Variants in ALK observed in about 807,000 individuals in gnomAD.
ALK encodes the protein ALK tyrosine kinase receptor.
A neutral mutation model predicts 163.1 loss-of-function variants in ALK; 74 were observed. That is an observed-to-expected ratio of 0.45 (90% CI 0.38 to 0.55). ALK has a LOEUF of 0.55. Among genes scored for constraint, ALK ranks in the 20% least tolerant of loss-of-function variants. The pLI, the probability that ALK is intolerant of heterozygous loss-of-function variation, is 0.00. For missense variants in ALK, 2,063 were observed against 2,105.3 expected, an observed-to-expected ratio of 0.98 and a Z score of 0.39; for synonymous variants, 960 against 843.2, an observed-to-expected ratio of 1.14 and a Z score of -2.40.
chr2:29,276,509 C>T (rs1040532483), intron 9 of ALK, among the ~76,000 whole-genome samples: 10 of 152,164 alleles, frequency 6.6e-5, no homozygotes. Context: ...CCCTCCAGAA[C>T]GTCAATCCAG....
Position 29,842,072 on chromosome 2 carries a change from C to G in ALK, c.667+77921G>C, listed in dbSNP as rs571958111. On this transcript the variant is annotated intron_variant, in intron 1 of 28. Transcript: ENST00000389048. Reference sequence around the variant, plus strand: ...CTCCCTCTTTTTCTCCATCCTCCCCCCTCCTTCCTTCCCTCCTTCTCTTTT... The same window carrying G: ...CTCCCTCTTTTTCTCCATCCTCCCCGCTCCTTCCTTCCCTCCTTCTCTTTT... Among the ~76,000 whole-genome samples, 375 of 152,024 alleles carry G rather than the reference C, an allele frequency of 2.5e-3. 4 individuals are homozygous for G. Among genetic ancestry groups the G allele is most frequent in the African/African-American group, 8.2e-3 (338 of 41,454 alleles).
At chr2:29,792,324 G>C (rs1446039259) in intron 1 of ALK, among the ~76,000 whole-genome samples, 2 of 152,128 alleles carry the variant, frequency 1.3e-5, no homozygotes, top group Non-Finnish European at 1.5e-5. Context: ...ACTCAGGTCT[G>C]TATAAGAATT....
intron 1 of ALK, among the ~76,000 whole-genome samples, chr2:29,754,748 G>A (rs758468636): frequency 1.3e-5 from 2 of 151,856 alleles, no homozygotes; most frequent in African/African-American, 2.4e-5. Context: ...GAATAAGGAC[G>A]GTTTTTAGGC....
intron 1 of ALK, among the ~76,000 whole-genome samples, chr2:29,820,716 G>C (rs945133849): frequency 4.6e-5 from 7 of 152,228 alleles, no homozygotes; most frequent in African/African-American, 1.7e-4. Flanking sequence ...TGCTGGGTCT[G>C]ACCCTGGCTT....
intron 3 of ALK, among the ~76,000 whole-genome samples, chr2:29,635,731 T>A (rs541471421): frequency 6.6e-6 from 1 of 151,932 alleles, no homozygotes; most frequent in East Asian, 1.9e-4. Context: ...GACTCCCGAG[T>A]AGCTGGGATT....
intron 1 of ALK, among the ~76,000 whole-genome samples, chr2:29,918,826 T>G (rs1400467177): frequency 2.0e-5 from 3 of 152,240 alleles, no homozygotes; most frequent in African/African-American, 7.2e-5. Flanking sequence ...AGAACTTCAT[T>G]TATTTCTGAT....
intron 3 of ALK, among the ~76,000 whole-genome samples, chr2:29,532,385 T>C (rs749030353): frequency 6.6e-6 from 1 of 152,218 alleles, no homozygotes; most frequent in African/African-American, 2.4e-5. Flanking sequence ...TTCCTACTTC[T>C]GTGTCCTAGA....
At chr2:29,358,469 G>T (rs1262930014) in intron 5 of ALK, among the ~76,000 whole-genome samples, 4 of 152,200 alleles carry the variant, frequency 2.6e-5, no homozygotes, top group Non-Finnish European at 4.4e-5. Flanking sequence ...CTATGGTTCA[G>T]TCTAAGGCTC....
intron 5 of ALK, 50 bp downstream of exon 5, chr2:29,383,682 A>G: frequency 6.2e-7 from 1 of 1,613,098 alleles, no homozygotes; most frequent in Middle Eastern, 1.7e-4. Flanking sequence ...TTATTGACAC[A>G]TCTAACACAA....
intron 5 of ALK, among the ~76,000 whole-genome samples, chr2:29,365,270 A>T (rs1216148626): frequency 6.6e-6 from 1 of 152,260 alleles, no homozygotes; most frequent in African/African-American, 2.4e-5. Flanking sequence ...AAGGCCAGTT[A>T]GTGCCAAATG....
intron 11 of ALK, among the ~76,000 whole-genome samples, chr2:29,270,030 A>G (rs1019158467): frequency 1.3e-5 from 2 of 152,212 alleles, no homozygotes; most frequent in Non-Finnish European, 2.9e-5. Context: ...CTATTCAGTA[A>G]TGAAAGAGAG....
At chr2:29,784,060 C>T (rs938286298) in intron 1 of ALK, among the ~76,000 whole-genome samples, 6 of 150,008 alleles carry the variant, frequency 4.0e-5, no homozygotes, top group African/African-American at 7.4e-5. Flanking sequence ...TATGAGAGAG[C>T]GAGACAACGA....
intron 1 of ALK, among the ~76,000 whole-genome samples, chr2:29,804,952 C>G (rs970339642): frequency 7.2e-5 from 11 of 152,206 alleles, no homozygotes; most frequent in African/African-American, 2.7e-4. Context: ...ACATATCCCC[C>G]TTTCCCGGGC....
intron 3 of ALK, among the ~76,000 whole-genome samples, chr2:29,661,058 G>A (rs1036502244): frequency 2.0e-5 from 3 of 152,088 alleles, no homozygotes; most frequent in African/African-American, 2.4e-5. Context: ...ACATAGTTAC[G>A]GAAAGAGACT....
intron 1 of ALK, among the ~76,000 whole-genome samples, chr2:29,887,246 C>T (rs1184650954): frequency 3.3e-5 from 5 of 152,166 alleles, no homozygotes; most frequent in African/African-American, 1.2e-4. Flanking sequence ...TGGCAGATAG[C>T]TGGTCTTGAG....
intron 3 of ALK, among the ~76,000 whole-genome samples, chr2:29,543,242 T>C (rs1020658804): frequency 3.9e-5 from 6 of 152,226 alleles, no homozygotes; most frequent in Non-Finnish European, 1.5e-5. Context: ...AAGAAAAGGC[T>C]GTCTTGCTAT....
At chr2:29,732,172 T>C (rs1679762668) in intron 1 of ALK, among the ~76,000 whole-genome samples, 1 of 152,224 alleles carries the variant, frequency 6.6e-6, no homozygotes, top group African/African-American at 2.4e-5. Flanking sequence ...CCCAGCCTCA[T>C]AGCATGAGAT....
Position 29,383,820 on chromosome 2 carries a change from G to T in ALK, c.1194C>A (p.Asn398Lys). Residue 398 changes from asparagine (N) to lysine (K), a missense_variant, in exon 5 of 29, where the codon AAC becomes AAA. Around this residue, in one of 5 missense-constraint regions of ALK, gnomAD observed 987 missense variants for 939.5 expected, o/e 1.05. Transcript: ENST00000389048. Reference sequence around the variant, plus strand: ...TGTATTCCAGGGCCACTCGAAATGGGTTGTCTGGACGCCCGATTCTTCCCT... The same window carrying T: ...TGTATTCCAGGGCCACTCGAAATGGTTTGTCTGGACGCCCGATTCTTCCCT... The part of the protein sequence containing the change: ...VLQGRIGRPD[N>K]PFRVALEYIS... The T allele has an allele frequency of 6.2e-7, 1 of 1,614,116 alleles. No homozygotes were observed. Among genetic ancestry groups the T allele is most frequent in the Non-Finnish European group, 8.5e-7 (1 of 1,179,986 alleles).
At chr2:29,374,626 T>G (rs1405774887) in intron 5 of ALK, among the ~76,000 whole-genome samples, 1 of 152,176 alleles carries the variant, frequency 6.6e-6, no homozygotes, top group Non-Finnish European at 1.5e-5. Context: ...AGCTGGGATT[T>G]GAAAGATGTG....
Sources: gnomAD v4.1 joint callset for allele counts (sites outside exome capture counted in the v4.1 genomes callset) on GRCh38, gnomAD v4.1.1 for gene constraint, gnomAD v4.1.1 regional missense constraint, MANE v1.5 for transcripts, NCBI Gene and HGNC (gene_info 2026-07-23, HGNC 2026-07-21) for gene names.